SERHL2: variants seen among roughly 807,000 people sequenced by gnomAD.
The protein encoded by SERHL2 is serine hydrolase like 2, also known as serine hydrolase-like protein 2.
SERHL2 carries 29 observed loss-of-function variants against 25.5 expected under a neutral mutation model. That is an observed-to-expected ratio of 1.14 (90% confidence interval 0.85 to 1.55). The LOEUF is 1.55. Ranked by LOEUF, SERHL2 falls within the 40% of genes most tolerant of loss-of-function variation. The pLI is 0.00. For synonymous variants in SERHL2, 95 were observed against 103.5 expected, an observed-to-expected ratio of 0.92 and a Z score of 0.50; for missense variants, 240 against 252.3, an observed-to-expected ratio of 0.95 and a Z score of 0.33.
chr22:42,570,974 C>T (rs1325677891), intron 9 of SERHL2, 147 bp from the exon 10 acceptor site: 4 of 1,017,848 alleles, frequency 3.9e-6, no homozygotes, highest in African/African-American at 1.6e-5. Flanking sequence ...TTCGATGAGG[C>T]AGTGATGTGG....
At chr22:42,559,278 C>T (rs1172440830) in intron 7 of SERHL2, among the ~76,000 whole-genome samples, 11 of 144,670 alleles carry the variant, frequency 7.6e-5, no homozygotes, top group African/African-American at 1.8e-4. Context: ...TGGTGGCACA[C>T]GCCTGTGGTC....
chr22:42,560,103 T>TG, intron 7 of SERHL2, 83 bp from the exon 8 acceptor site: 1 of 1,003,954 alleles, frequency 1.0e-6, no homozygotes, highest in African/African-American at 1.6e-5. Context: ...TGAGCCACCG[T>TG]CCCCCCCGGC....
chr22:42,563,563 A>T lies in SERHL2; in HGVS notation c.614-2741A>T, dbSNP rs1021701141. 11 of 241,386 alleles carry T rather than the reference A, an allele frequency of 4.6e-5. 1 individual carries two copies. The highest frequency in any genetic ancestry group is 2.5e-4 in the African/African-American group (11 of 43,462). 15.0% of individuals were successfully genotyped at this position (241,386 alleles called of 1,614,324 possible). On this transcript the variant is annotated intron_variant, in intron 8 of 11. Coordinates refer to ENST00000327678, the MANE Select transcript of SERHL2 (RefSeq NM_014509.5). ...CCCCTGAAGCCCCGTGCTGTGGGGGAGGCTCAAATCTTTCTCATAAGCTGG... is the reference window on the plus strand; with the variant it reads ...CCCCTGAAGCCCCGTGCTGTGGGGGTGGCTCAAATCTTTCTCATAAGCTGG...
intron 11 of SERHL2, 65 bp downstream of exon 11, chr22:42,572,594 T>C: frequency 6.3e-7 from 1 of 1,581,026 alleles, no homozygotes; most frequent in Non-Finnish European, 8.6e-7. Flanking sequence ...ACCTCACCCA[T>C]CTCTTCTCAT....
intron 9 of SERHL2, among the ~76,000 whole-genome samples, 167 bp downstream of exon 9, chr22:42,566,505 G>A (rs370700170): frequency 3.3e-5 from 5 of 150,718 alleles, no homozygotes; most frequent in East Asian, 1.9e-4. Context: ...GCATTGAGCC[G>A]AGATAGCACC....
At chr22:42,567,328 G>C (rs1395682624) in intron 9 of SERHL2, among the ~76,000 whole-genome samples, 1 of 152,118 alleles carries the variant, frequency 6.6e-6, no homozygotes, top group East Asian at 1.9e-4. Context: ...GTGTCAGATA[G>C]TGATTCATTT....
chr22:42,565,793 G>C (rs1427083227), intron 8 of SERHL2, among the ~76,000 whole-genome samples: 1 of 151,724 alleles, frequency 6.6e-6, no homozygotes, highest in Non-Finnish European at 1.5e-5. Context: ...AGAATCAGGT[G>C]GTTTAGGCCC....
chr22:42,570,261 A>G (rs551720207), intron 9 of SERHL2, among the ~76,000 whole-genome samples: 4 of 152,134 alleles, frequency 2.6e-5, no homozygotes, highest in Non-Finnish European at 5.9e-5. Context: ...GTCGCTACTA[A>G]AAATACAAAA....
chr22:42,554,349 T>TG (rs1328001526), intron 1 of SERHL2, among the ~76,000 whole-genome samples: 3 of 151,852 alleles, frequency 2.0e-5, no homozygotes, highest in East Asian at 1.9e-4. Context: ...GTGGGGGCGG[T>TG]GGGGGTTCCT....
chr22:42,564,250 T>C (rs1245837056), intron 8 of SERHL2, among the ~76,000 whole-genome samples: 1 of 151,592 alleles, frequency 6.6e-6, no homozygotes, highest in East Asian at 1.9e-4. Context: ...ACTTCATCTT[T>C]TTCCAGATGG....
At chr22:42,572,667 C>G in intron 11 of SERHL2, 138 bp downstream of exon 11, 1 of 1,429,076 alleles carries the variant, frequency 7.0e-7, no homozygotes, top group Non-Finnish European at 9.2e-7. Context: ...TCTATCAGGC[C>G]TCATGCTCCA....
intron 11 of SERHL2, 192 bp from the exon 12 acceptor site, chr22:42,573,744 G>C: frequency 1.5e-6 from 1 of 676,086 alleles, no homozygotes; most frequent in Non-Finnish European, 2.6e-6. Flanking sequence ...CAAGTCCCTA[G>C]GGTTAGACAC....
chr22:42,559,683 T>C (rs1403201362), intron 7 of SERHL2, among the ~76,000 whole-genome samples: 5 of 151,080 alleles, frequency 3.3e-5, no homozygotes, highest in Non-Finnish European at 7.4e-5. Flanking sequence ...TGCGCCACTG[T>C]ACTCCAGCCT....
chr22:42,567,678 A>C (rs890652963), intron 9 of SERHL2, among the ~76,000 whole-genome samples: 15 of 144,718 alleles, frequency 1.0e-4, no homozygotes, highest in African/African-American at 4.0e-4. Context: ...GTCAAAAAAA[A>C]AATAAATAAA....
chr22:42,559,212 T>G (rs367854548), intron 7 of SERHL2, among the ~76,000 whole-genome samples: 1 of 68,060 alleles, frequency 1.5e-5, no homozygotes, highest in Admixed American at 2.1e-4. Flanking sequence ...CTGAGCGAGA[T>G]AGCGAGACCC....
intron 9 of SERHL2, among the ~76,000 whole-genome samples, chr22:42,567,708 AT>A (rs970585846): frequency 1.4e-5 from 2 of 147,336 alleles, no homozygotes; most frequent in Non-Finnish European, 3.0e-5. Context: ...TAAAAGTTCG[AT>A]TTTTCTTTAA....
At chr22:42,554,117 G>T (rs1921934436) in intron 1 of SERHL2, 75 bp downstream of exon 1, 17 of 1,548,856 alleles carry the variant, frequency 1.1e-5, no homozygotes. Context: ...GGGCGGGATG[G>T]AGTGGAGGGT....
At chr22:42,560,814 C>T (rs1270867221) in intron 8 of SERHL2, among the ~76,000 whole-genome samples, 1 of 151,986 alleles carries the variant, frequency 6.6e-6, no homozygotes, top group Non-Finnish European at 1.5e-5. Context: ...TGGCTCACTG[C>T]AGCCTCCACC....
At chr22:42,564,380 C>T (rs926420299) in intron 8 of SERHL2, among the ~76,000 whole-genome samples, 1 of 151,272 alleles carries the variant, frequency 6.6e-6, no homozygotes, top group Non-Finnish European at 1.5e-5. Flanking sequence ...GACTGCCTGT[C>T]TATGATCTTA....
Sources: gnomAD v4.1 joint callset for allele counts (sites outside exome capture counted in the v4.1 genomes callset) on GRCh38, gnomAD v4.1.1 for gene constraint, MANE v1.5 for transcripts, NCBI Gene and HGNC (gene_info 2026-07-23, HGNC 2026-07-21) for gene names.